MPV17: variants seen among roughly 807,000 people sequenced by gnomAD.
MPV17 encodes the protein mitochondrial inner membrane protein MPV17, also known as MPV17, mitochondrial inner membrane protein.
Under a neutral mutation model 28.6 loss-of-function variants are expected in MPV17, and 31 were observed. The ratio of observed to expected loss-of-function variants is 1.08; its 90% CI spans 0.81 to 1.46. The LOEUF is 1.46. MPV17 is among the 40% of genes most tolerant of loss of function. MPV17 has a pLI of 0.00. For missense variants in MPV17, 198 were observed against 216.2 expected, an observed-to-expected ratio of 0.92 and a Z score of 0.53; for synonymous variants, 87 against 85.3, an observed-to-expected ratio of 1.02 and a Z score of -0.11.
In MPV17 at chr2:27,309,939, G is replaced by A. The variant is rs1679365611; in HGVS notation, c.504C>T (p.Tyr168=). The change falls in exon 8 of 8, where the codon TAC becomes TAT. Residue 168 remains tyrosine, a synonymous_variant. Transcript: ENST00000380044. ...AGAGCCGATGTGCCTTCCAGGACAG[G>A]TAGGAGTTCCAGATAACAGCAACAC... ...VQCVAVIWNS[Y]LSWKAHRL 12 of 1,613,978 alleles carry A rather than the reference G, an allele frequency of 7.4e-6. No individual in the cohort carries two copies. The highest frequency in any genetic ancestry group is 1.1e-5 in the South Asian group (1 of 91,068).
chr2:27,311,537 G>T, intron 7 of MPV17: 2 of 1,501,252 alleles, frequency 1.3e-6, no homozygotes, highest in South Asian at 2.4e-5. Context: ...GTGAGTGTCT[G>T]ACCAGGCTCC....
intron 2 of MPV17, chr2:27,316,958 G>A: frequency 3.1e-6 from 3 of 977,520 alleles, no homozygotes; most frequent in South Asian, 1.7e-5. Flanking sequence ...GCCTGCCTCT[G>A]AGCAGATCAA....
chr2:27,314,243 C>T (rs1243563935), intron 2 of MPV17, among the ~76,000 whole-genome samples: 1 of 152,058 alleles, frequency 6.6e-6, no homozygotes, highest in Non-Finnish European at 1.5e-5. Context: ...AGTAGGAGGA[C>T]TGTTTGAGCC....
chr2:27,316,865 G>A (rs1396858010), intron 2 of MPV17: 23 of 478,600 alleles, frequency 4.8e-5, no homozygotes, highest in Admixed American at 3.8e-4. Flanking sequence ...AGATGCTGGC[G>A]CAGGTGTGAC....
At chr2:27,313,397 A>G in intron 2 of MPV17, 1 of 623,678 alleles carries the variant, frequency 1.6e-6, no homozygotes, top group Non-Finnish European at 2.8e-6. Flanking sequence ...TAGAGAGAGG[A>G]AGGAGAATTT....
At chr2:27,320,327 A>AT (rs952592921) in intron 2 of MPV17, among the ~76,000 whole-genome samples, 16 of 148,010 alleles carry the variant, frequency 1.1e-4, no homozygotes, top group South Asian at 1.1e-3. Flanking sequence ...TAAACTCAAG[A>AT]TTTTTTTTTT....
In MPV17 at chr2:27,317,213, T is replaced by C. The variant is rs1237753849; in HGVS notation, c.71-4104A>G. The stretch of plus-strand genomic sequence containing the variant: ...ATAGCTACTGGCATGGGGCCAGCAG[T>C]GCTGCCTTCCTCCCCAGAAGTCTGC... On this transcript the variant is annotated intron_variant, in intron 2 of 7. Transcript: ENST00000380044. This position sits in a 1 kb window ranked among gnomAD's most constrained non-coding sequence, Gnocchi z 4.0. The C allele has an allele frequency of 6.5e-7, 1 of 1,548,812 alleles. No homozygotes were observed. Among genetic ancestry groups the C allele is most frequent in the South Asian group, 1.2e-5 (1 of 83,854 alleles).
At position 27,312,262 on chromosome 2, in the gene MPV17, A is replaced by C. The variant is rs1679475517; in HGVS notation, c.376-16T>G. On this transcript the variant is annotated splice_polypyrimidine_tract_variant and intron_variant, in intron 5 of 7. Coordinates refer to ENST00000380044, the MANE Select transcript of MPV17 (RefSeq NM_002437.5). Reference sequence around the variant, plus strand: ...CAGGATAATCCTGGGGAGACAGAGAAGGAACAAATTAACACTTGCGCCTCC... The same window carrying C: ...CAGGATAATCCTGGGGAGACAGAGACGGAACAAATTAACACTTGCGCCTCC... 5.0e-6 allele frequency: 8 copies of C among 1,613,862 alleles called. No individual in the cohort carries two copies. The highest frequency in any genetic ancestry group is 5.9e-6 in the Non-Finnish European group (7 of 1,179,822).
chr2:27,315,358 G>A (rs1195705462), intron 2 of MPV17, among the ~76,000 whole-genome samples: 1 of 152,228 alleles, frequency 6.6e-6, no homozygotes, highest in East Asian at 1.9e-4. Flanking sequence ...ATGAGAGGGA[G>A]CTGCTGCAGC....
chr2:27,317,070 CTACT>C lies in MPV17; in HGVS notation c.71-3965_71-3962del. 6.5e-7 allele frequency: 1 copy of C among 1,545,540 alleles called. No homozygotes were observed. Among genetic ancestry groups the C allele is most frequent in the Non-Finnish European group, 8.7e-7 (1 of 1,145,260 alleles). On this transcript the variant is annotated intron_variant, in intron 2 of 7. Transcript: ENST00000380044. This position sits in a 1 kb window ranked among gnomAD's most constrained non-coding sequence, Gnocchi z 4.0. ...TCCCTACTTCTCCTATTTTGTTCCTCTACTTACTTTTGTGGCTTTTGAGTTTCAT... is the reference window on the plus strand; with the variant it reads ...TCCCTACTTCTCCTATTTTGTTCCTCTACTTTTGTGGCTTTTGAGTTTCAT...
At chr2:27,310,568 C>A (rs759201643) in intron 7 of MPV17, among the ~76,000 whole-genome samples, 1 of 152,164 alleles carries the variant, frequency 6.6e-6, no homozygotes, top group Non-Finnish European at 1.5e-5. Flanking sequence ...CTATCTGGGC[C>A]CCTTCTAAGT....
chr2:27,312,399 C>T (rs749911111), intron 5 of MPV17, 95 bp downstream of exon 5: 1 of 1,464,808 alleles, frequency 6.8e-7, no homozygotes, highest in Non-Finnish European at 9.6e-7. Flanking sequence ...GCCCTACCTG[C>T]ACTTACCCCC....
chr2:27,320,191 C>G, intron 2 of MPV17, among the ~76,000 whole-genome samples: 1 of 150,550 alleles, frequency 6.6e-6, no homozygotes, highest in East Asian at 2.0e-4. Flanking sequence ...GAGTCGAGAT[C>G]ACGCCACCGC....
In MPV17 at chr2:27,319,550, T is replaced by A. The variant is rs1485845467; in HGVS notation, c.70+2898A>T. Among the ~76,000 whole-genome samples, 4 of 146,776 alleles carry A rather than the reference T, an allele frequency of 2.7e-5. No individual in the cohort carries two copies. In the South Asian group the frequency reaches 9.0e-4, roughly 33 times the overall value. On this transcript the variant is annotated intron_variant, in intron 2 of 7. Coordinates refer to ENST00000380044, the MANE Select transcript of MPV17 (RefSeq NM_002437.5). ...ACCCCGTCTCAAATAATAATAATAA[T>A]AAAATAGTTTATTGTGCCTGTGTTG...
chr2:27,309,533 T>G lies in MPV17; in HGVS notation c.*379A>C. The G allele has an allele frequency of 2.3e-6, 1 of 438,908 alleles. No homozygotes were observed. The highest frequency in any genetic ancestry group is 4.1e-6 in the Non-Finnish European group (1 of 243,380). The allele number at this position is 438,908 out of a possible 1,614,324, so 27.2% of individuals were successfully genotyped here. A position where few individuals can be genotyped will look rare whatever the true frequency, so the allele number is the denominator to read the frequency against. On this transcript the variant is annotated 3_prime_UTR_variant, in exon 8 of 8. Transcript: ENST00000380044. ...TAATAACATATTTACTGAGGCACCA[T>G]ATAAAGGGTTCCGGGAGTCTCTAAA...
At chr2:27,312,271 T>C (rs758343007) in intron 5 of MPV17, 25 bp from the exon 6 acceptor site, 1 of 1,613,702 alleles carries the variant, frequency 6.2e-7, no homozygotes, top group Non-Finnish European at 8.5e-7. Context: ...AAGGAACAAA[T>C]TAACACTTGC....
At position 27,316,227 on chromosome 2, in the gene MPV17, GACTTGC is replaced by G. The variant is rs779361376; in HGVS notation, c.71-3124_71-3119del. The G allele has an allele frequency of 1.0e-5, 16 of 1,548,928 alleles. No individual in the cohort carries two copies. The South Asian group carries it at 1.8e-4, about 17-fold the overall frequency. On this transcript the variant is annotated intron_variant, in intron 2 of 7. Transcript: ENST00000380044. ...AGAAGTGTGTGTTTTCACTCTTCATGACTTGCCAACAGTCACACAACAAGCTAGAGG... is the reference window on the plus strand; with the variant it reads ...AGAAGTGTGTGTTTTCACTCTTCATGCAACAGTCACACAACAAGCTAGAGG...
chr2:27,312,073 T>A, intron 6 of MPV17, 122 bp from the exon 7 acceptor site: 1 of 1,460,482 alleles, frequency 6.8e-7, no homozygotes, highest in East Asian at 2.3e-5. Context: ...GGTGATGGCT[T>A]CCCTATTTAT....
At chr2:27,315,850 C>T (rs999947598) in intron 2 of MPV17, 41 of 1,302,332 alleles carry the variant, frequency 3.1e-5, no homozygotes, top group African/African-American at 7.5e-5. Context: ...GTGTGAGCCA[C>T]GGCACCCAGC....
Sources: gnomAD v4.1 joint callset for allele counts (sites outside exome capture counted in the v4.1 genomes callset) on GRCh38, gnomAD v4.1.1 for gene constraint, Gnocchi (gnomAD v3.1) non-coding constraint, MANE v1.5 for transcripts, NCBI Gene and HGNC (gene_info 2026-07-23, HGNC 2026-07-21) for gene names.